Variants in STK38 observed in about 807,000 individuals in gnomAD.
The protein encoded by STK38 is serine/threonine kinase 38, also known as serine/threonine-protein kinase 38.
Under a neutral mutation model 59.0 loss-of-function variants are expected in STK38, and 26 were observed. The observed-to-expected ratio is 0.44, with a 90% CI of 0.32 to 0.61. STK38 has a LOEUF of 0.61. Among genes scored for constraint, STK38 ranks in the 20% least tolerant of loss-of-function variants. STK38 has a pLI of 0.04. For missense variants in STK38, 433 were observed against 566.0 expected, an observed-to-expected ratio of 0.76 and a Z score of 2.38; for synonymous variants, 175 against 176.6, an observed-to-expected ratio of 0.99 and a Z score of 0.07.
intron 12 of STK38, among the ~76,000 whole-genome samples, chr6:36,497,347 C>A (rs1776728969): frequency 6.6e-6 from 1 of 152,260 alleles, no homozygotes; most frequent in Non-Finnish European, 1.5e-5. Context: ...CTACTACCCC[C>A]ACCATAACAA....
chr6:36,508,990 T>A (rs9368936), intron 7 of STK38, among the ~76,000 whole-genome samples: 1 of 152,286 alleles, frequency 6.6e-6, no homozygotes, highest in East Asian at 1.9e-4. Context: ...AAAGGGGGTG[T>A]CACAGCACTG....
intron 2 of STK38, among the ~76,000 whole-genome samples, chr6:36,527,943 C>CAAA (rs56805046): frequency 7.8e-6 from 1 of 128,252 alleles, no homozygotes; most frequent in African/African-American, 2.8e-5. Flanking sequence ...ACTAAAAATA[C>CAAA]AAAAAAAAAA....
chr6:36,532,088 A>G (rs955731918), intron 2 of STK38, among the ~76,000 whole-genome samples: 1 of 152,124 alleles, frequency 6.6e-6, no homozygotes, highest in Non-Finnish European at 1.5e-5. Flanking sequence ...CAATTATCTC[A>G]TATCATCAAA....
intron 4 of STK38, among the ~76,000 whole-genome samples, chr6:36,523,805 T>G (rs1777443100): frequency 6.6e-6 from 1 of 152,054 alleles, no homozygotes; most frequent in Non-Finnish European, 1.5e-5. Flanking sequence ...TCCTCCCTCC[T>G]AGGGTCATCT....
chr6:36,530,967 T>C (rs1471980025), intron 2 of STK38, among the ~76,000 whole-genome samples: 2 of 152,044 alleles, frequency 1.3e-5, no homozygotes, highest in Non-Finnish European at 2.9e-5. Flanking sequence ...TGGGATTACA[T>C]GTGTGAGCCC....
intron 7 of STK38, among the ~76,000 whole-genome samples, chr6:36,509,542 T>C (rs924139237): frequency 2.0e-5 from 3 of 149,450 alleles, no homozygotes; most frequent in Non-Finnish European, 4.4e-5. Context: ...GTAGATAAGT[T>C]AGTTTACTTA....
At chr6:36,512,694 C>T (rs1401541551) in intron 7 of STK38, among the ~76,000 whole-genome samples, 1 of 151,958 alleles carries the variant, frequency 6.6e-6, no homozygotes, top group Non-Finnish European at 1.5e-5. Flanking sequence ...GAGTCTCGCT[C>T]TGTTGGCCAG....
At chr6:36,496,500 T>C (rs944318516) in intron 13 of STK38, among the ~76,000 whole-genome samples, 5 of 152,198 alleles carry the variant, frequency 3.3e-5, no homozygotes, top group Admixed American at 1.3e-4. Context: ...ACTCACCCAG[T>C]TGAGCAGTCT....
chr6:36,540,888 T>C (rs965695455), intron 1 of STK38, among the ~76,000 whole-genome samples: 1 of 150,334 alleles, frequency 6.7e-6, no homozygotes, highest in African/African-American at 2.5e-5. Flanking sequence ...CAAATATATC[T>C]TTATTTATTT....
At chr6:36,542,287 G>A (rs766737088) in intron 1 of STK38, among the ~76,000 whole-genome samples, 36 of 152,098 alleles carry the variant, frequency 2.4e-4, no homozygotes, top group East Asian at 2.3e-3. Context: ...AATGTTTGCC[G>A]TTTATTTGAA....
intron 10 of STK38, among the ~76,000 whole-genome samples, chr6:36,499,472 AAG>A (rs570793073): frequency 1.7e-3 from 257 of 152,210 alleles, no homozygotes; most frequent in African/African-American, 6.1e-3. Context: ...CCAATACAAT[AAG>A]AGGGAGAGAG....
chr6:36,534,080 C>T (rs1777731035), intron 2 of STK38, among the ~76,000 whole-genome samples: 4 of 151,992 alleles, frequency 2.6e-5, no homozygotes, highest in Admixed American at 2.6e-4. Flanking sequence ...GCATATCAAC[C>T]CAGCAACATA....
At chr6:36,539,143 T>C (rs951353263) in intron 2 of STK38, among the ~76,000 whole-genome samples, 1 of 152,008 alleles carries the variant, frequency 6.6e-6, no homozygotes, top group Non-Finnish European at 1.5e-5. Flanking sequence ...CCCAGCACTA[T>C]GGGAGGCCGA....
At chr6:36,508,660 A>C (rs1292011703) in intron 7 of STK38, among the ~76,000 whole-genome samples, 1 of 152,220 alleles carries the variant, frequency 6.6e-6, no homozygotes, top group Non-Finnish European at 1.5e-5. Context: ...CGCTGGGCTC[A>C]TTCCGCCCAC....
Position 36,521,781 on chromosome 6 carries a change from A to G in STK38, c.343T>C (p.Tyr115His). Residue 115 changes from tyrosine (Y) to histidine (H), a missense_variant, in exon 5 of 14, where the codon TAT (tyrosine) becomes CAT (histidine). By Grantham distance (83) the Tyr-to-His change is moderately conservative (BLOSUM62 2). Around this residue, in one of 3 missense-constraint regions of STK38, gnomAD observed 293 missense variants for 388.2 expected, o/e 0.75. Transcript: ENST00000229812. ...GCTTTACGGAGTATTTTCATTGCAT[A>G]CACATGTCCCGTATCTTTCTTCTGA... ...LVQKKDTGHV[Y>H]AMKILRKADM... 1 of 1,611,782 alleles carries G rather than the reference A, an allele frequency of 6.2e-7. No homozygotes were observed. The highest frequency in any genetic ancestry group is 1.1e-5 in the South Asian group (1 of 90,808).
In STK38 at chr6:36,535,988, TTAAAA is replaced by T. The variant is rs142420586; in HGVS notation, c.131+4079_131+4083del. Among the ~76,000 whole-genome samples the T allele has an allele frequency of 5.1e-3, 782 of 152,160 alleles. 3 individuals are homozygous for T. Among genetic ancestry groups the T allele is most frequent in the African/African-American group, 0.017 (724 of 41,512 alleles). Reference sequence around the variant, plus strand: ...AGAACACAGAATACTCAAAGCAATCTTAAAATAAAATGACCAAAGCTGGAGGACTT... The same window carrying T: ...AGAACACAGAATACTCAAAGCAATCTTAAAATGACCAAAGCTGGAGGACTT... On this transcript the variant is annotated intron_variant, in intron 2 of 13. Coordinates refer to ENST00000229812, the MANE Select transcript of STK38 (RefSeq NM_007271.4).
chr6:36,505,068 A>T (rs1776933256), intron 9 of STK38, among the ~76,000 whole-genome samples: 1 of 152,186 alleles, frequency 6.6e-6, no homozygotes, highest in South Asian at 2.1e-4. Flanking sequence ...GGTTCTCCAC[A>T]TTCACTGCAC....
chr6:36,497,320 C>T lies in STK38; in HGVS notation c.1172+460G>A, dbSNP rs551411824. On this transcript the variant is annotated intron_variant, in intron 12 of 13. Coordinates refer to ENST00000229812, the MANE Select transcript of STK38 (RefSeq NM_007271.4). ...CTACAGCAGGTGGTCTAGGCTCTCACGGCTATTGGCCGTAGTCTACTACCC... is the reference window on the plus strand; with the variant it reads ...CTACAGCAGGTGGTCTAGGCTCTCATGGCTATTGGCCGTAGTCTACTACCC... 2.0e-5 allele frequency among the ~76,000 whole-genome samples: 3 copies of T among 152,378 alleles called. No individual in the cohort carries two copies. The East Asian group carries it at 5.8e-4, about 29-fold the overall frequency.
intron 7 of STK38, among the ~76,000 whole-genome samples, chr6:36,510,462 G>C (rs1343187904): frequency 6.6e-6 from 1 of 152,186 alleles, no homozygotes; most frequent in African/African-American, 2.4e-5. Context: ...GGGATGCCCA[G>C]GTCTGCAGCT....
Sources: gnomAD v4.1 joint callset for allele counts (sites outside exome capture counted in the v4.1 genomes callset) on GRCh38, gnomAD v4.1.1 for gene constraint, gnomAD v4.1.1 regional missense constraint, MANE v1.5 for transcripts, NCBI Gene and HGNC (gene_info 2026-07-23, HGNC 2026-07-21) for gene names.